Variants in BMPR2 observed in about 807,000 individuals in gnomAD.
The protein encoded by BMPR2 is bone morphogenetic protein receptor type-2.
In BMPR2, 29 loss-of-function variants were observed where a neutral mutation model predicts 100.8. The observed-to-expected ratio is 0.29, with a 90% CI of 0.21 to 0.39. The LOEUF (loss-of-function observed/expected upper bound fraction) is 0.39. Among genes scored for constraint, BMPR2 ranks in the 10% least tolerant of loss-of-function variants. The probability of loss-of-function intolerance (pLI) is 1.00; values close to 1 mark genes in which losing one functional copy is unlikely to be tolerated. For synonymous variants in BMPR2, 382 were observed against 442.3 expected, an observed-to-expected ratio of 0.86 and a Z score of 1.71; for missense variants, 1,011 against 1,274.5, an observed-to-expected ratio of 0.79 and a Z score of 3.15.
At chr2:202,500,374 A>T (rs1687358778) in intron 3 of BMPR2, among the ~76,000 whole-genome samples, 1 of 152,190 alleles carries the variant, frequency 6.6e-6, no homozygotes, top group African/African-American at 2.4e-5. Flanking sequence ...CACCGTTATT[A>T]GGGAGGGATA....
At chr2:202,421,940 C>T (rs576165356) in intron 1 of BMPR2, among the ~76,000 whole-genome samples, 10 of 152,212 alleles carry the variant, frequency 6.6e-5, no homozygotes, top group East Asian at 5.8e-4. Flanking sequence ...GATGGAGTCT[C>T]GCTCTATTGC....
intron 1 of BMPR2, among the ~76,000 whole-genome samples, chr2:202,437,180 A>G (rs528943633): frequency 2.0e-5 from 3 of 149,628 alleles, no homozygotes; most frequent in Non-Finnish European, 4.4e-5. Context: ...TAATTTTTAT[A>G]TTTTTAGTAG....
At chr2:202,524,984 GTAAA>G (rs1687882441) in intron 7 of BMPR2, among the ~76,000 whole-genome samples, 1 of 151,996 alleles carries the variant, frequency 6.6e-6, no homozygotes, top group Non-Finnish European at 1.5e-5. Flanking sequence ...TCTCAGAAAA[GTAAA>G]TAAATAAAAG....
chr2:202,555,152 G>A, intron 11 of BMPR2, 100 bp from the exon 12 acceptor site: 1 of 1,128,560 alleles, frequency 8.9e-7, no homozygotes, highest in Non-Finnish European at 1.3e-6. Flanking sequence ...GGAAGAAAAT[G>A]AAAAACAACT....
At chr2:202,510,956 G>T (rs1687610624) in intron 3 of BMPR2, among the ~76,000 whole-genome samples, 2 of 151,700 alleles carry the variant, frequency 1.3e-5, no homozygotes, top group South Asian at 4.2e-4. Context: ...TGGGATGACA[G>T]GAGTGAGCCA....
chr2:202,386,162 G>C (rs1175266688), intron 1 of BMPR2, among the ~76,000 whole-genome samples: 1 of 152,124 alleles, frequency 6.6e-6, no homozygotes, highest in African/African-American at 2.4e-5. Context: ...CCCTCTTGGT[G>C]ATCTCATCCA....
intron 10 of BMPR2, among the ~76,000 whole-genome samples, chr2:202,543,574 A>G (rs79171078): frequency 0.079 from 12,033 of 151,980 alleles, 672 homozygotes; most frequent in Non-Finnish European, 0.12. Context: ...AAAGGAAAAA[A>G]CTACCTCTCC....
At chr2:202,499,015 CT>C (rs1693103269) in intron 3 of BMPR2, among the ~76,000 whole-genome samples, 1 of 152,176 alleles carries the variant, frequency 6.6e-6, no homozygotes, top group Admixed American at 6.5e-5. Flanking sequence ...CTCCTCTAAT[CT>C]CCCCTGCCCA....
intron 1 of BMPR2, among the ~76,000 whole-genome samples, chr2:202,440,965 A>G (rs1691727893): frequency 6.6e-6 from 1 of 150,424 alleles, no homozygotes; most frequent in Non-Finnish European, 1.5e-5. Flanking sequence ...TCCCACATAG[A>G]AAATATTATT....
intron 1 of BMPR2, among the ~76,000 whole-genome samples, chr2:202,401,714 T>C (rs1574428796): frequency 6.6e-6 from 1 of 152,292 alleles, no homozygotes; most frequent in African/African-American, 2.4e-5. Context: ...CTTTAACAAA[T>C]ATAGTGGACA....
At chr2:202,448,654 C>T (rs956717591) in intron 1 of BMPR2, among the ~76,000 whole-genome samples, 2 of 150,750 alleles carry the variant, frequency 1.3e-5, no homozygotes, top group Admixed American at 6.6e-5. Context: ...GACGGGGTTT[C>T]GACATGTTAG....
intron 1 of BMPR2, among the ~76,000 whole-genome samples, chr2:202,429,443 A>T (rs1376480417): frequency 2.6e-5 from 4 of 152,156 alleles, no homozygotes; most frequent in Non-Finnish European, 4.4e-5. Flanking sequence ...GCTTTTGCTT[A>T]TGATACGTCC....
At chr2:202,469,204 T>G (rs1376775090) in intron 3 of BMPR2, among the ~76,000 whole-genome samples, 2 of 151,978 alleles carry the variant, frequency 1.3e-5, no homozygotes, top group Admixed American at 1.3e-4. Context: ...AATTTTGTAT[T>G]TTTAGTAGAG....
In BMPR2 at chr2:202,384,569, T is replaced by TTTCTTTTTTTCTTTCTTTTCTTTC. The variant is rs138215628; in HGVS notation, c.76+7021_76+7022insCTTTTTTTCTTTCTTTTCTTTCTT. Among the ~76,000 whole-genome samples, 6 of 93,594 alleles carry TTTCTTTTTTTCTTTCTTTTCTTTC rather than the reference T, an allele frequency of 6.4e-5. No homozygotes were observed. In the South Asian group the frequency reaches 1.3e-3, roughly 20 times the overall value. 61.4% of individuals were successfully genotyped at this position (93,594 alleles called of 152,430 possible). ...CTTTCTTTCTTTCTTTCTTTCTTTCTTTTTCTTTCTTTTCTTTCTTTTCTT... is the reference window on the plus strand; with the variant it reads ...CTTTCTTTCTTTCTTTCTTTCTTTCTTTCTTTTTTTCTTTCTTTTCTTTCTTTTCTTTCTTTTCTTTCTTTTCTT... On this transcript the variant is annotated intron_variant, in intron 1 of 12. Transcript: ENST00000374580.
intron 7 of BMPR2, among the ~76,000 whole-genome samples, chr2:202,528,878 C>T (rs2106016467): frequency 6.6e-6 from 1 of 152,334 alleles, no homozygotes; most frequent in South Asian, 2.1e-4. Flanking sequence ...TGCTCTTTCA[C>T]TGAATTCTAT....
At position 202,443,507 on chromosome 2, in the gene BMPR2, C is replaced by G. The variant is rs138002458; in HGVS notation, c.77-21302C>G. 2.7e-5 allele frequency among the ~76,000 whole-genome samples: 4 copies of G among 150,230 alleles called. 1 individual carries two copies. Among genetic ancestry groups the G allele is most frequent in the African/African-American group, 1.0e-4 (4 of 39,744 alleles). ...TTTCTGCCTCTGTCTCTCTTTCTCT[C>G]TCTCTCTTTCTTTCCTTTCTTTCTC... On this transcript the variant is annotated intron_variant, in intron 1 of 12. Transcript: ENST00000374580.
chr2:202,524,589 G>A (rs1271751798), intron 7 of BMPR2, among the ~76,000 whole-genome samples: 1 of 151,908 alleles, frequency 6.6e-6, no homozygotes. Flanking sequence ...AGACCAACAT[G>A]GTGAAACCCT....
chr2:202,478,907 C>T (rs1267221401), intron 3 of BMPR2, among the ~76,000 whole-genome samples: 1 of 152,026 alleles, frequency 6.6e-6, no homozygotes, highest in Non-Finnish European at 1.5e-5. Context: ...GCCTGGGTGA[C>T]AGACCGAGAC....
At chr2:202,499,772 G>T (rs890099893) in intron 3 of BMPR2, among the ~76,000 whole-genome samples, 3 of 152,150 alleles carry the variant, frequency 2.0e-5, no homozygotes, top group African/African-American at 7.2e-5. Flanking sequence ...CAACCTCGGT[G>T]TTCTATAATA....
Sources: gnomAD v4.1 joint callset for allele counts (sites outside exome capture counted in the v4.1 genomes callset) on GRCh38, gnomAD v4.1.1 for gene constraint, MANE v1.5 for transcripts, NCBI Gene and HGNC (gene_info 2026-07-23, HGNC 2026-07-21) for gene names.